INSC: variants seen among roughly 807,000 people sequenced by gnomAD.
INSC encodes the protein protein inscuteable homolog.
Under a neutral mutation model 58.6 loss-of-function variants are expected in INSC, and 67 were observed. The ratio of observed to expected loss-of-function variants is 1.14; its 90% CI spans 0.94 to 1.40. The LOEUF is 1.40. INSC is among the 40% of genes most tolerant of loss of function. The pLI is 0.00. For missense variants in INSC, 714 were observed against 692.0 expected, an observed-to-expected ratio of 1.03 and a Z score of -0.36; for synonymous variants, 262 against 276.1, an observed-to-expected ratio of 0.95 and a Z score of 0.51.
At chr11:15,241,466 A>T in intron 12 of INSC, 2 of 653,506 alleles carry the variant, frequency 3.1e-6, no homozygotes, top group Non-Finnish European at 2.8e-6. Context: ...TCTTGGTTGT[A>T]CCATTAATGA....
In INSC at chr11:15,123,435, G is replaced by A. The variant is rs572045263; in HGVS notation, c.-46+8432G>A. 1.3e-4 allele frequency among the ~76,000 whole-genome samples: 20 copies of A among 152,260 alleles called. No individual in the cohort carries two copies. In the South Asian group the frequency reaches 3.9e-3, roughly 30 times the overall value. On this transcript the variant is annotated intron_variant, in intron 1 of 12. Coordinates refer to ENST00000379556, the MANE Select transcript of INSC (RefSeq NM_001042536.3). ...ATATATGTTGAACAAATGAATGAATGAAGATTTATCATCTGAGTAACCAGA... is the reference window on the plus strand; with the variant it reads ...ATATATGTTGAACAAATGAATGAATAAAGATTTATCATCTGAGTAACCAGA...
intron 7 of INSC, among the ~76,000 whole-genome samples, chr11:15,203,018 T>C (rs942734897): frequency 2.6e-5 from 4 of 152,248 alleles, no homozygotes; most frequent in Non-Finnish European, 5.9e-5. Context: ...GATAGTCCAC[T>C]ACATATGTCC....
At chr11:15,218,140 C>T (rs1032576224) in intron 7 of INSC, among the ~76,000 whole-genome samples, 1 of 152,072 alleles carries the variant, frequency 6.6e-6, no homozygotes, top group Non-Finnish European at 1.5e-5. Context: ...AGACACCCAT[C>T]GACGGGAGAA....
intron 2 of INSC, among the ~76,000 whole-genome samples, chr11:15,163,143 T>C (rs138967352): frequency 6.6e-6 from 1 of 152,240 alleles, no homozygotes; most frequent in Non-Finnish European, 1.5e-5. Flanking sequence ...TTTGAATGAA[T>C]ATAAAATCAC....
In INSC at chr11:15,205,654, A is replaced by G. The variant is rs116845195; in HGVS notation, c.819+4705A>G. 2.2e-4 allele frequency among the ~76,000 whole-genome samples: 34 copies of G among 152,254 alleles called. 1 individual carries two copies. The East Asian group carries it at 5.4e-3, about 24-fold the overall frequency. ...TGGTCAAAGTTGCAGTGAAGTGCAC[A>G]CATGGAGAAGTTGGGTGGTCCAGGG... On this transcript the variant is annotated intron_variant, in intron 7 of 12. Transcript: ENST00000379556.
At chr11:15,230,982 T>C (rs1239245118) in intron 9 of INSC, among the ~76,000 whole-genome samples, 1 of 152,176 alleles carries the variant, frequency 6.6e-6, no homozygotes, top group African/African-American at 2.4e-5. Flanking sequence ...TCTCTGGGTC[T>C]AGGTCAGTGC....
At chr11:15,244,056 C>T (rs1852466583) in intron 12 of INSC, among the ~76,000 whole-genome samples, 1 of 151,908 alleles carries the variant, frequency 6.6e-6, no homozygotes, top group African/African-American at 2.4e-5. Context: ...CTTGATAGGT[C>T]TATGTTCTAT....
chr11:15,255,864 AG>A, the INSC span, among the ~76,000 whole-genome samples: 1 of 152,106 alleles, frequency 6.6e-6, no homozygotes, highest in Non-Finnish European at 1.5e-5. Flanking sequence ...TAATCTATAA[AG>A]GGGTATTTGT....
In INSC at chr11:15,154,197, G is replaced by A. The variant is rs1792558; in HGVS notation, c.56+4967G>A. Among the ~76,000 whole-genome samples the A allele has an allele frequency of 9.5e-3, 1,446 of 152,316 alleles. 27 individuals carry two copies. Among genetic ancestry groups the A allele is most frequent in the African/African-American group, 0.031 (1,281 of 41,550 alleles). On this transcript the variant is annotated intron_variant, in intron 2 of 12. Transcript: ENST00000379556. ...TCCTGACTATGATAAAATGCACACA[G>A]TAGGATCTCAATAAGTGATTGTTGA...
chr11:15,182,682 C>T (rs1259891163), intron 5 of INSC, among the ~76,000 whole-genome samples: 1 of 152,188 alleles, frequency 6.6e-6, no homozygotes, highest in Non-Finnish European at 1.5e-5. Flanking sequence ...AGTGACAGAC[C>T]AGTAGTCTTC....
At chr11:15,119,626 A>G (rs1847819560) in intron 1 of INSC, among the ~76,000 whole-genome samples, 1 of 152,240 alleles carries the variant, frequency 6.6e-6, no homozygotes, top group Non-Finnish European at 1.5e-5. Context: ...GGGTTTGGAA[A>G]CCATGTGAAA....
chr11:15,225,843 AG>A lies in INSC; in HGVS notation c.1170+17del, dbSNP rs1426068481. On this transcript the variant is annotated intron_variant, in intron 9 of 12. Transcript: ENST00000379556. Reference sequence around the variant, plus strand: ...CTCGGGACCAGGTAAGACGCCCAGAAGGCACTGAGCACAGGGCCCATAGCCA... The same window carrying A: ...CTCGGGACCAGGTAAGACGCCCAGAAGCACTGAGCACAGGGCCCATAGCCA... The A allele has an allele frequency of 6.2e-7, 1 of 1,608,180 alleles. No individual in the cohort carries two copies. The highest frequency in any genetic ancestry group is 1.7e-5 in the Admixed American group (1 of 59,424).
At chr11:15,134,400 A>G (rs369809420) in intron 1 of INSC, among the ~76,000 whole-genome samples, 1 of 152,230 alleles carries the variant, frequency 6.6e-6, no homozygotes, top group Admixed American at 6.5e-5. Context: ...AGCTATTACT[A>G]TGAATGGATG....
intron 5 of INSC, among the ~76,000 whole-genome samples, chr11:15,182,918 G>A (rs901126113): frequency 1.3e-5 from 2 of 152,124 alleles, no homozygotes; most frequent in African/African-American, 4.8e-5. Context: ...ACATTGCCTT[G>A]CCATACAAAA....
chr11:15,201,580 T>C (rs534593006), intron 7 of INSC, among the ~76,000 whole-genome samples: 1 of 152,258 alleles, frequency 6.6e-6, no homozygotes, highest in Non-Finnish European at 1.5e-5. Flanking sequence ...CCTGACCCCT[T>C]CCCTGGTTGT....
intron 6 of INSC, among the ~76,000 whole-genome samples, chr11:15,195,538 C>T (rs1418076403): frequency 2.6e-5 from 4 of 152,244 alleles, no homozygotes; most frequent in Middle Eastern, 3.4e-3. Context: ...TTCCATGTGC[C>T]GCTTGATATA....
At chr11:15,138,161 G>C (rs1471687343) in intron 1 of INSC, among the ~76,000 whole-genome samples, 1 of 27,752 alleles carries the variant, frequency 3.6e-5, no homozygotes, top group Non-Finnish European at 6.6e-5. Context: ...TCTTATGGGG[G>C]TGCAATTTGT....
chr11:15,149,097 A>G (rs757011626), intron 1 of INSC, 33 bp from the exon 2 acceptor site: 1 of 1,547,114 alleles, frequency 6.5e-7, no homozygotes, highest in South Asian at 1.2e-5. Context: ...CTCTTTTAGG[A>G]TCTCGTTGTG....
At chr11:15,207,620 C>T (rs952637304) in intron 7 of INSC, among the ~76,000 whole-genome samples, 19 of 152,124 alleles carry the variant, frequency 1.2e-4, no homozygotes, top group African/African-American at 4.6e-4. Context: ...CCCAGAGGCC[C>T]TGGGCAGGAG....
Sources: allele counts gnomAD v4.1 joint callset (sites outside exome capture counted in the v4.1 genomes callset), GRCh38; gene constraint gnomAD v4.1.1; transcripts MANE v1.5; gene names NCBI Gene and HGNC (gene_info 2026-07-23, HGNC 2026-07-21).